The following BTBD9 variants were observed in gnomAD, a reference collection of about 807,000 sequenced individuals.
BTBD9 encodes the protein BTB domain containing 9, also known as BTB/POZ domain-containing protein 9.
BTBD9 carries 49 observed loss-of-function variants against 64.3 expected under a neutral mutation model. The observed-to-expected ratio is 0.76, with a 90% CI of 0.61 to 0.97. The LOEUF (loss-of-function observed/expected upper bound fraction) is 0.97. Among genes scored for constraint, BTBD9 ranks in the 50% least tolerant of loss-of-function variants. The pLI is 0.00. For synonymous variants in BTBD9, 260 were observed against 274.7 expected (o/e 0.95, Z 0.53); for missense variants, 598 against 762.1 (o/e 0.78, Z 2.53).
chr6:38,222,506 G>A (rs182955758), intron 9 of BTBD9, among the ~76,000 whole-genome samples: 290 of 152,016 alleles, frequency 1.9e-3, no homozygotes, highest in Non-Finnish European at 3.2e-3. Flanking sequence ...TGATCCGCCC[G>A]CCTTGGCCTC....
intron 6 of BTBD9, among the ~76,000 whole-genome samples, chr6:38,412,122 C>T (rs893320022): frequency 5.3e-5 from 8 of 151,806 alleles, no homozygotes; most frequent in African/African-American, 1.9e-4. Flanking sequence ...AATCTGACTA[C>T]ATAAAAAACA....
At chr6:38,403,930 A>C (rs1179758244) in intron 6 of BTBD9, among the ~76,000 whole-genome samples, 1 of 152,236 alleles carries the variant, frequency 6.6e-6, no homozygotes, top group African/African-American at 2.4e-5. Flanking sequence ...ATATGCTATA[A>C]CACAGATGAA....
At chr6:38,221,780 TAGG>T (rs1157738792) in intron 9 of BTBD9, among the ~76,000 whole-genome samples, 1 of 152,074 alleles carries the variant, frequency 6.6e-6, no homozygotes, top group African/African-American at 2.4e-5. Context: ...ATCACAAGGT[TAGG>T]AGTTCAAGAC....
At chr6:38,621,016 CCTTA>C (rs1777964128) in intron 1 of BTBD9, among the ~76,000 whole-genome samples, 2 of 152,308 alleles carry the variant, frequency 1.3e-5, no homozygotes, top group Non-Finnish European at 2.9e-5. Flanking sequence ...CTCTTGGAAT[CCTTA>C]CTCAGACTCA....
At position 38,348,011 on chromosome 6, in the gene BTBD9, C is replaced by T. The variant is rs372260916; in HGVS notation, c.1155-2918G>A. Among the ~76,000 whole-genome samples, 3 of 152,110 alleles carry T rather than the reference C, an allele frequency of 2.0e-5. No homozygotes were observed. In the South Asian group the frequency reaches 6.2e-4, roughly 32 times the overall value. On this transcript the variant is annotated intron_variant, in intron 6 of 10. Transcript: ENST00000481247. ...GATTCTGTCTCAAAACAAACCACAA[C>T]AACAAAAAAGGCGCTGTCCAGCACA...
chr6:38,274,105 C>A (rs938466229), intron 8 of BTBD9, among the ~76,000 whole-genome samples: 10 of 152,264 alleles, frequency 6.6e-5, no homozygotes, highest in East Asian at 3.9e-4. Flanking sequence ...GTCCCTTGTA[C>A]GTTGGATTCC....
chr6:38,539,769 C>T (rs1487118566), intron 6 of BTBD9, among the ~76,000 whole-genome samples: 2 of 151,934 alleles, frequency 1.3e-5, no homozygotes, highest in Admixed American at 1.3e-4. Context: ...AGAAAGTAAA[C>T]CAATTGTAAG....
Position 38,253,521 on chromosome 6 carries a change from T to G in BTBD9, c.1562+2888A>C, listed in dbSNP as rs375008282. 1.2e-4 allele frequency among the ~76,000 whole-genome samples: 18 copies of G among 152,232 alleles called. 1 individual carries two copies. The highest frequency in any genetic ancestry group is 4.3e-4 in the African/African-American group (18 of 41,540). ...ATTATAATTCAAGATCAGATTTGGG[T>G]GGGGACACAGAGCCAAACCATGTCA... is the stretch of plus-strand genomic sequence containing the variant. On this transcript the variant is annotated intron_variant, in intron 9 of 10. Transcript: ENST00000481247.
chr6:38,399,758 A>G (rs554651481), intron 6 of BTBD9, among the ~76,000 whole-genome samples: 1 of 151,240 alleles, frequency 6.6e-6, no homozygotes, highest in South Asian at 2.1e-4. Context: ...TGTGGTTTTT[A>G]TTTTTTTCTT....
At chr6:38,342,299 G>T (rs1764133139) in intron 7 of BTBD9, among the ~76,000 whole-genome samples, 1 of 151,982 alleles carries the variant, frequency 6.6e-6, no homozygotes, top group Non-Finnish European at 1.5e-5. Context: ...AGTTTGGGAG[G>T]CTGGGGCAGG....
Position 38,170,831 on chromosome 6 carries a change from A to G in BTBD9, c.*4154T>C, listed in dbSNP as rs1213953776. On this transcript the variant is annotated 3_prime_UTR_variant, in exon 11 of 11. Transcript: ENST00000481247. ...TGGCTGCAGCTGCCAAAACAAATGGAGTATGCCCACCTCTGCCACGGCATC... is the reference window on the plus strand; with the variant it reads ...TGGCTGCAGCTGCCAAAACAAATGGGGTATGCCCACCTCTGCCACGGCATC... 5.9e-5 allele frequency: 9 copies of G among 152,382 alleles called. No homozygotes were observed. Among genetic ancestry groups the G allele is most frequent in the Non-Finnish European group, 1.2e-4 (8 of 68,044 alleles). The allele number at this position is 152,382 out of a possible 1,614,324, so 9.4% of individuals were successfully genotyped here.
At chr6:38,467,686 G>A (rs1043072529) in intron 6 of BTBD9, among the ~76,000 whole-genome samples, 5 of 152,178 alleles carry the variant, frequency 3.3e-5, no homozygotes, top group African/African-American at 1.2e-4. Flanking sequence ...ATGTGTCCAA[G>A]AGATTCATCA....
chr6:38,175,038 G>A lies in BTBD9; in HGVS notation c.1786C>T (p.Leu596=), dbSNP rs199764137. The A allele has an allele frequency of 2.7e-5, 44 of 1,614,152 alleles. No individual in the cohort carries two copies. In the African/African-American group the frequency reaches 4.9e-4, roughly 18 times the overall value. Residue 596 remains leucine (L), a synonymous_variant, in exon 11 of 11, where the codon CTA becomes TTA. Transcript: ENST00000481247. ...HALRAPSGSS[L]PSSPGSNSRS... is the part of the protein sequence containing the mutation. Reference sequence around the variant, plus strand: ...GAGTTGGAGCCTGGGCTGGAGGGTAGTGAGCTGCCACTAGGCGCCCGCAGC... The same window carrying A: ...GAGTTGGAGCCTGGGCTGGAGGGTAATGAGCTGCCACTAGGCGCCCGCAGC...
At chr6:38,595,909 T>C (rs1014223875) in intron 2 of BTBD9, 1 of 985,420 alleles carries the variant, frequency 1.0e-6, no homozygotes, top group African/African-American at 1.7e-5. Flanking sequence ...TCCCCAATCC[T>C]GTATGATCCA....
At chr6:38,456,453 A>T (rs1365645413) in intron 6 of BTBD9, among the ~76,000 whole-genome samples, 3 of 152,234 alleles carry the variant, frequency 2.0e-5, no homozygotes, top group African/African-American at 7.2e-5. Context: ...ACCATATTGC[A>T]TTCTTACCAG....
chr6:38,298,687 C>T (rs1445283619), intron 7 of BTBD9, among the ~76,000 whole-genome samples: 1 of 152,108 alleles, frequency 6.6e-6, no homozygotes, highest in Non-Finnish European at 1.5e-5. Context: ...AAAACCTTCC[C>T]AGCCTCTGAT....
At chr6:38,504,452 G>C in intron 6 of BTBD9, 1 of 417,300 alleles carries the variant, frequency 2.4e-6, no homozygotes, top group Non-Finnish European at 4.8e-6. Flanking sequence ...CCCTATGAAA[G>C]TCCAATCCCT....
In BTBD9 at chr6:38,509,947, C is replaced by T. The variant is rs1455075321; in HGVS notation, c.1154+67653G>A. The stretch of plus-strand genomic sequence containing the variant: ...TACCTGGTAATGTGCTAGTACACAG[C>T]ATACCAAAAGAACCACAAGAGCTGG... On this transcript the variant is annotated intron_variant, in intron 6 of 10. Coordinates refer to ENST00000481247, the MANE Select transcript of BTBD9 (RefSeq NM_001099272.2). 4.6e-5 allele frequency among the ~76,000 whole-genome samples: 7 copies of T among 152,310 alleles called. No individual in the cohort carries two copies. In the South Asian group the frequency reaches 1.4e-3, roughly 32 times the overall value.
intron 6 of BTBD9, among the ~76,000 whole-genome samples, chr6:38,576,868 G>C (rs1363973157): frequency 2.6e-5 from 4 of 152,130 alleles, no homozygotes; most frequent in South Asian, 2.1e-4. Flanking sequence ...AATTTGTATA[G>C]GCTTTACAAA....
Sources: gnomAD v4.1 joint callset for allele counts (sites outside exome capture counted in the v4.1 genomes callset) on GRCh38, gnomAD v4.1.1 for gene constraint, MANE v1.5 for transcripts, NCBI Gene and HGNC (gene_info 2026-07-23, HGNC 2026-07-21) for gene names.